COG8: variants seen among roughly 807,000 people sequenced by gnomAD.
COG8 encodes conserved oligomeric Golgi complex subunit 8.
In COG8, 45 loss-of-function variants were observed where a neutral mutation model predicts 46.5. That is an observed-to-expected ratio of 0.97 (90% CI 0.76 to 1.24). COG8 has a LOEUF of 1.24. Among genes scored for constraint, COG8 ranks in the 50% most tolerant of loss-of-function variants. The pLI, the probability that COG8 is intolerant of heterozygous loss-of-function variation, is 0.00. For synonymous variants in COG8, 407 were observed against 347.8 expected (o/e 1.17, Z -1.90); for missense variants, 793 against 820.8 (o/e 0.97, Z 0.41).
intron 5 of COG8, chr16:69,330,544 A>C (rs755417363): frequency 2.7e-6 from 4 of 1,475,924 alleles, no homozygotes; most frequent in Non-Finnish European, 3.6e-6. Flanking sequence ...GTGGCCAAAG[A>C]CTCAGCGCGC....
chr16:69,334,937 C>T lies in COG8; in HGVS notation c.997G>A (p.Asp333Asn), dbSNP rs759864228. 14 of 1,614,018 alleles carry T rather than the reference C, an allele frequency of 8.7e-6. No homozygotes were observed. The highest frequency in any genetic ancestry group is 5.0e-5 in the Admixed American group (3 of 59,996). ...TGGCCGCCTATGCCCCGGTAAAGGT[C>T]GGTCTCCAGCACCTGCAGGAATTGT... Reference protein sequence around the residue: ...VSQFLQVLETDLYRGIGGHLD... With the variant: ...VSQFLQVLETNLYRGIGGHLD... Residue 333 changes from aspartate to asparagine, a missense_variant, in exon 3 of 6, where the codon GAC becomes AAC. Asp to Asn is a conservative substitution (Grantham distance 23). Transcript: ENST00000306875.
At chr16:69,332,962 T>C in intron 3 of COG8, 80 bp from the exon 4 acceptor site, 3 of 1,316,520 alleles carry the variant, frequency 2.3e-6, no homozygotes, top group Non-Finnish European at 2.2e-6. Flanking sequence ...GGCAAAAAAA[T>C]GTATGCCCCT....
At position 69,336,719 on chromosome 16, in the gene COG8, A is replaced by G; in HGVS notation, c.378-7T>C. ...GGCTTCCTTCACAAAGTTCCTAGTA[A>G]TAATCAGAAGAATGTTGATCCTTCA... On this transcript the variant is annotated splice_polypyrimidine_tract_variant and splice_region_variant and intron_variant, in intron 1 of 5. Transcript: ENST00000306875. 6.2e-7 allele frequency: 1 copy of G among 1,613,372 alleles called. No homozygotes were observed. Among genetic ancestry groups the G allele is most frequent in the Non-Finnish European group, 8.5e-7 (1 of 1,179,418 alleles).
In COG8 at chr16:69,339,538, C is replaced by T. The variant is rs751302354; in HGVS notation, c.15G>A (p.Ala5=). The T allele has an allele frequency of 1.2e-5, 20 of 1,608,598 alleles. No homozygotes were observed. The Admixed American group carries it at 2.8e-4, about 23-fold the overall frequency. Residue 5 remains alanine, a synonymous_variant, in exon 1 of 6, where the codon GCG becomes GCA. Coordinates refer to ENST00000306875, the MANE Select transcript of COG8 (RefSeq NM_032382.5). MATA[A]TIPSVATATA... The stretch of plus-strand genomic sequence containing the variant: ...TGGCCGTGGCTACCGATGGGATAGT[C>T]GCCGCGGTCGCCATCTTCCCAGCAA...
At position 69,334,923 on chromosome 16, in the gene COG8, GC is replaced by G; in HGVS notation, c.1010del (p.Gly337AlafsTer2). 1 of 1,614,172 alleles carries G rather than the reference GC, an allele frequency of 6.2e-7. No homozygotes were observed. The highest frequency in any genetic ancestry group is 8.5e-7 in the Non-Finnish European group (1 of 1,180,034). On this transcript the variant is annotated frameshift_variant, in exon 3 of 6. Coordinates refer to ENST00000306875, the MANE Select transcript of COG8 (RefSeq NM_032382.5). LOFTEE classifies it high-confidence loss of function. ...LQVLETDLYR[G>X]IGGHLDSLLG... is the part of the protein sequence containing the mutation. Reference sequence around the variant, plus strand: ...GCAGAGAGTCCAGGTGGCCGCCTATGCCCCGGTAAAGGTCGGTCTCCAGCAC... The same window carrying G: ...GCAGAGAGTCCAGGTGGCCGCCTATGCCCGGTAAAGGTCGGTCTCCAGCAC...
At chr16:69,337,276 G>C (rs969432818) in intron 1 of COG8, among the ~76,000 whole-genome samples, 10 of 129,620 alleles carry the variant, frequency 7.7e-5, no homozygotes, top group African/African-American at 3.1e-4. Context: ...GCAAGACTCC[G>C]TCTCAAAAAA....
intron 1 of COG8, chr16:69,338,932 T>C (rs1206770075): frequency 1.1e-5 from 6 of 563,226 alleles, no homozygotes; most frequent in Non-Finnish European, 1.5e-5. Context: ...AGAGGTAGGT[T>C]GCAGCGAGCC....
At chr16:69,330,545 C>T (rs1457713929) in intron 5 of COG8, 2 of 1,476,112 alleles carry the variant, frequency 1.4e-6, no homozygotes, top group Middle Eastern at 2.4e-4. Flanking sequence ...TGGCCAAAGA[C>T]TCAGCGCGCC....
intron 3 of COG8, among the ~76,000 whole-genome samples, chr16:69,333,692 C>G (rs2143340393): frequency 6.6e-6 from 1 of 152,284 alleles, no homozygotes; most frequent in East Asian, 1.9e-4. Context: ...AGAACACAGA[C>G]TCTGATGCTG....
chr16:69,331,038 G>C lies in COG8; in HGVS notation c.1640C>G (p.Ala547Gly). Residue 547 changes from alanine (A) to glycine (G), a missense_variant, in exon 5 of 6, where the codon GCC becomes GGC. Coordinates refer to ENST00000306875, the MANE Select transcript of COG8 (RefSeq NM_032382.5). ...GATAAAGGCGAGGGGCTCCTGAATG[G>C]CGCCGATGTTCACATGCCCTAGGTT... The part of the protein sequence containing the change: ...YGNLGHVNIG[A>G]IQEPLAFILP... The C allele has an allele frequency of 6.2e-7, 1 of 1,613,918 alleles. No individual in the cohort carries two copies. Among genetic ancestry groups the C allele is most frequent in the Non-Finnish European group, 8.5e-7 (1 of 1,179,978 alleles).
At position 69,328,396 on chromosome 16, in the gene COG8, GC is replaced by G. The variant is rs1965668718; in HGVS notation, c.*809del. 6.5e-6 allele frequency: 1 copy of G among 152,736 alleles called. No homozygotes were observed. Among genetic ancestry groups the G allele is most frequent in the Admixed American group, 6.5e-5 (1 of 15,282 alleles). 9.5% of individuals were successfully genotyped at this position (152,736 alleles called of 1,614,324 possible). A position where few individuals can be genotyped will look rare whatever the true frequency, so the allele number is the denominator to read the frequency against. ...TTCTCAATTGTCACCCCTGCCCCCA[GC>G]CCTGATCCACGGCCTCTACCCCAAG... On this transcript the variant is annotated 3_prime_UTR_variant, in exon 6 of 6. Coordinates refer to ENST00000306875, the MANE Select transcript of COG8 (RefSeq NM_032382.5).
rs2011765226 is a variant in COG8 at position 69,330,838 on chromosome 16, G to C, written c.*1C>G. 1.3e-6 allele frequency: 2 copies of C among 1,536,302 alleles called. No homozygotes were observed. Among genetic ancestry groups the C allele is most frequent in the Admixed American group, 2.0e-5 (1 of 50,666 alleles). On this transcript the variant is annotated 3_prime_UTR_variant, in exon 5 of 6. Transcript: ENST00000306875. The stretch of plus-strand genomic sequence containing the variant: ...CGCGTTCTGGAGGCAGGGGACGCCG[G>C]CTAGGGCCCCACGCTGGGCGGTTCG...
At position 69,329,111 on chromosome 16, in the gene COG8, C is replaced by T; in HGVS notation, c.*95G>A. On this transcript the variant is annotated 3_prime_UTR_variant, in exon 6 of 6. Transcript: ENST00000306875. ...AGGCAGCCCTGCAGGTGGTCCATCT[C>T]GTGCTGGATGATGCGGGCTGCCCAC... 1.9e-6 allele frequency: 3 copies of T among 1,611,320 alleles called. No individual in the cohort carries two copies. Among genetic ancestry groups the T allele is most frequent in the East Asian group, 2.2e-5 (1 of 44,808 alleles).
intron 5 of COG8, chr16:69,330,564 G>T: frequency 6.8e-7 from 1 of 1,460,290 alleles, no homozygotes; most frequent in East Asian, 2.9e-5. Flanking sequence ...CCCCACAGCC[G>T]GGCCATGGCG....
In COG8 at chr16:69,328,832, A is replaced by G. The variant is rs1356609856; in HGVS notation, c.*374T>C. 2.7e-6 allele frequency: 2 copies of G among 729,770 alleles called. No individual in the cohort carries two copies. The highest frequency in any genetic ancestry group is 4.3e-6 in the Non-Finnish European group (2 of 463,498). 45.2% of individuals were successfully genotyped at this position (729,770 alleles called of 1,614,324 possible). A position where few individuals can be genotyped will look rare whatever the true frequency, so the allele number is the denominator to read the frequency against. On this transcript the variant is annotated 3_prime_UTR_variant, in exon 6 of 6. Transcript: ENST00000306875. ...TTTTTCTCCTCAAGTTGTAGCCAAC[A>G]TTTTGTCCGTAACTGATTTCAGGGC...
intron 3 of COG8, 133 bp from the exon 4 acceptor site, chr16:69,333,015 C>T: frequency 2.5e-6 from 2 of 801,272 alleles, no homozygotes; most frequent in Non-Finnish European, 4.2e-6. Context: ...CATTATTTTA[C>T]TGTCTCATTT....
chr16:69,330,553 G>C, intron 5 of COG8: 1 of 1,468,280 alleles, frequency 6.8e-7, no homozygotes, highest in Non-Finnish European at 8.9e-7. Context: ...GACTCAGCGC[G>C]CCCCACAGCC....
intron 5 of COG8, chr16:69,330,375 G>A (rs989177878): frequency 2.0e-6 from 3 of 1,479,476 alleles, no homozygotes; most frequent in Non-Finnish European, 2.7e-6. Flanking sequence ...TGGCACACGT[G>A]CGAGAACGGC....
chr16:69,337,216 G>A (rs2012252100), intron 1 of COG8, among the ~76,000 whole-genome samples: 1 of 151,578 alleles, frequency 6.6e-6, no homozygotes, highest in Non-Finnish European at 1.5e-5. Flanking sequence ...AGGAGGTGGA[G>A]GTTGCGGTGA....
Sources: gnomAD v4.1 joint callset for allele counts (sites outside exome capture counted in the v4.1 genomes callset) on GRCh38, gnomAD v4.1.1 for gene constraint, MANE v1.5 for transcripts, NCBI Gene and HGNC (gene_info 2026-07-23, HGNC 2026-07-21) for gene names.